The following KLHL29 variants were observed in gnomAD, a reference collection of about 807,000 sequenced individuals.
The protein encoded by KLHL29 is kelch-like protein 29.
Under a neutral mutation model 80.4 loss-of-function variants are expected in KLHL29, and 21 were observed. The observed-to-expected ratio is 0.26, with a 90% CI of 0.19 to 0.38. KLHL29 has a LOEUF of 0.38. KLHL29 is among the 10% of genes least tolerant of loss of function. The pLI is 1.00. For missense variants in KLHL29, 867 were observed against 1,223.9 expected, an observed-to-expected ratio of 0.71 and a Z score of 4.35; for synonymous variants, 511 against 526.8, an observed-to-expected ratio of 0.97 and a Z score of 0.41.
At chr2:23,477,772 C>T (rs762164908) in intron 2 of KLHL29, among the ~76,000 whole-genome samples, 4 of 152,204 alleles carry the variant, frequency 2.6e-5, no homozygotes, top group Non-Finnish European at 4.4e-5. Flanking sequence ...CGCTCCTACA[C>T]GGGGCAAAGA....
chr2:23,419,724 C>G (rs934221023), intron 1 of KLHL29, among the ~76,000 whole-genome samples: 1 of 152,118 alleles, frequency 6.6e-6, no homozygotes, highest in Non-Finnish European at 1.5e-5. Context: ...AGGCCCGTGT[C>G]GCAGTGGGGC....
At chr2:23,635,714 G>C (rs1404258861) in intron 3 of KLHL29, among the ~76,000 whole-genome samples, 1 of 152,230 alleles carries the variant, frequency 6.6e-6, no homozygotes, top group Non-Finnish European at 1.5e-5. Flanking sequence ...TGGGCAGATA[G>C]GGCCACTCCG....
chr2:23,411,419 G>A (rs1036845897), intron 1 of KLHL29, among the ~76,000 whole-genome samples: 1 of 151,042 alleles, frequency 6.6e-6, no homozygotes, highest in African/African-American at 2.4e-5. Flanking sequence ...GTGTGTGTGT[G>A]TGTGTGGTCA....
intron 2 of KLHL29, among the ~76,000 whole-genome samples, chr2:23,523,030 G>T (rs1347325324): frequency 6.6e-6 from 1 of 151,874 alleles, no homozygotes; most frequent in Non-Finnish European, 1.5e-5. Flanking sequence ...GCCTGTGGGG[G>T]TGGTTACGGG....
chr2:23,498,433 G>A (rs1207239280), intron 2 of KLHL29, among the ~76,000 whole-genome samples: 1 of 152,214 alleles, frequency 6.6e-6, no homozygotes, highest in Non-Finnish European at 1.5e-5. Context: ...CACCCGATCA[G>A]GCAGGAGACT....
chr2:23,645,241 G>A (rs56358527), intron 5 of KLHL29, among the ~76,000 whole-genome samples: 25 of 152,210 alleles, frequency 1.6e-4, no homozygotes, highest in South Asian at 6.2e-4. Flanking sequence ...TAAGAAACCC[G>A]AATTTTGAAA....
intron 1 of KLHL29, among the ~76,000 whole-genome samples, chr2:23,389,398 C>T (rs1666264580): frequency 6.6e-6 from 1 of 152,178 alleles, no homozygotes; most frequent in African/African-American, 2.4e-5. Flanking sequence ...GTAATTGGAA[C>T]ACTTAAGTTC....
chr2:23,468,194 C>T (rs1034997623), intron 1 of KLHL29, among the ~76,000 whole-genome samples: 6 of 152,000 alleles, frequency 3.9e-5, no homozygotes, highest in African/African-American at 1.4e-4. Context: ...GGTGGGCAGA[C>T]GTGGTCATTG....
At chr2:23,573,459 T>C (rs1462858294) in intron 3 of KLHL29, among the ~76,000 whole-genome samples, 1 of 152,178 alleles carries the variant, frequency 6.6e-6, no homozygotes, top group Non-Finnish European at 1.5e-5. Flanking sequence ...GTGGGATTCA[T>C]CACCTAGAGC....
intron 2 of KLHL29, among the ~76,000 whole-genome samples, chr2:23,511,994 G>GAT (rs2103462797): frequency 1.3e-5 from 2 of 152,290 alleles, no homozygotes; most frequent in Non-Finnish European, 2.9e-5. Context: ...ACCACACAGA[G>GAT]ATAAATATGT....
At chr2:23,668,057 C>G (rs1461629958) in intron 5 of KLHL29, 1 of 152,404 alleles carries the variant, frequency 6.6e-6, no homozygotes, top group Non-Finnish European at 1.5e-5. Flanking sequence ...TTTTTTTCTC[C>G]TCCTCCCTGT....
chr2:23,456,829 G>C (rs896864805), intron 1 of KLHL29, among the ~76,000 whole-genome samples: 2 of 152,246 alleles, frequency 1.3e-5, no homozygotes, highest in Admixed American at 1.3e-4. Context: ...GTGGGGTCCA[G>C]TCACCCAGGG....
chr2:23,689,224 G>C lies in KLHL29; in HGVS notation c.1080-2450G>C, dbSNP rs1194685991. ...CCCAGCGGCCCCCTCCACCCCACAG[G>C]TGACCCTCACAAGGGGCCAGGAGGA... On this transcript the variant is annotated intron_variant, in intron 6 of 13. Coordinates refer to ENST00000486442, the MANE Select transcript of KLHL29 (RefSeq NM_052920.2). 5 of 152,280 alleles carry C rather than the reference G, an allele frequency of 3.3e-5. No individual in the cohort carries two copies. The East Asian group carries it at 9.6e-4, about 29-fold the overall frequency. 9.4% of individuals were successfully genotyped at this position (152,280 alleles called of 1,614,324 possible).
In KLHL29 at chr2:23,443,046, A is replaced by G. The variant is rs1041559131; in HGVS notation, c.-153-32514A>G. 7.2e-5 allele frequency among the ~76,000 whole-genome samples: 11 copies of G among 152,176 alleles called. 1 individual carries two copies. The highest frequency in any genetic ancestry group is 2.4e-4 in the African/African-American group (10 of 41,438). ...CAGGCCCTTGTGTTGGAGCCACTGT[A>G]AGCTCCCCTTTCCCTTCCCCAATTT... On this transcript the variant is annotated intron_variant, in intron 1 of 13. Transcript: ENST00000486442.
At chr2:23,653,101 AC>A (rs1442621209) in intron 5 of KLHL29, among the ~76,000 whole-genome samples, 3 of 152,174 alleles carry the variant, frequency 2.0e-5, no homozygotes, top group Non-Finnish European at 2.9e-5. Context: ...CCGAGCAGCA[AC>A]CCGTCTGCTC....
At chr2:23,437,199 T>C (rs965862477) in intron 1 of KLHL29, among the ~76,000 whole-genome samples, 1 of 152,200 alleles carries the variant, frequency 6.6e-6, no homozygotes, top group African/African-American at 2.4e-5. Flanking sequence ...CAGACTTGGG[T>C]AAAATCAACA....
intron 3 of KLHL29, among the ~76,000 whole-genome samples, chr2:23,579,048 C>A (rs1389344860): frequency 6.6e-6 from 1 of 152,182 alleles, no homozygotes; most frequent in Non-Finnish European, 1.5e-5. Flanking sequence ...GACTCCGGCT[C>A]CCGTTCTGTT....
intron 2 of KLHL29, among the ~76,000 whole-genome samples, chr2:23,504,836 C>T (rs1025250378): frequency 3.9e-5 from 6 of 152,174 alleles, no homozygotes; most frequent in South Asian, 2.1e-4. Flanking sequence ...GCCTGTGGGC[C>T]GCCATTCTGG....
chr2:23,504,434 G>GTCC (rs1276063916), intron 2 of KLHL29, among the ~76,000 whole-genome samples: 2 of 152,180 alleles, frequency 1.3e-5, no homozygotes, highest in African/African-American at 4.8e-5. Context: ...TGCCCATGGG[G>GTCC]TCAGAGGCCT....
Sources: gnomAD v4.1 joint callset for allele counts (sites outside exome capture counted in the v4.1 genomes callset) on GRCh38, gnomAD v4.1.1 for gene constraint, MANE v1.5 for transcripts, NCBI Gene and HGNC (gene_info 2026-07-23, HGNC 2026-07-21) for gene names.